KCNQ2: variants seen among roughly 807,000 people sequenced by gnomAD.
KCNQ2 encodes potassium voltage-gated channel subfamily Q member 2.
A neutral mutation model predicts 84.8 loss-of-function variants in KCNQ2; 14 were observed. The ratio of observed to expected loss-of-function variants is 0.17; its 90% CI spans 0.11 to 0.26. The LOEUF (loss-of-function observed/expected upper bound fraction) is 0.26. Among genes scored for constraint, KCNQ2 ranks in the 10% least tolerant of loss-of-function variants. KCNQ2 has a pLI of 1.00. For synonymous variants in KCNQ2, 599 were observed against 554.1 expected (o/e 1.08, Z -1.14); for missense variants, 788 against 1,254.0 (o/e 0.63, Z 5.61).
In KCNQ2 at chr20:63,407,124, C is replaced by T. The variant is rs765186960; in HGVS notation, c.2139G>A (p.Pro713=). 2.6e-5 allele frequency: 40 copies of T among 1,553,046 alleles called. No homozygotes were observed. Among genetic ancestry groups the T allele is most frequent in the South Asian group, 2.1e-4 (18 of 85,610 alleles). ...APPAAPPVQC[P]PSTSWQPQSH... ...TCTGTGGCTGCCAGGAGGTGGAGGG[C>T]GGACACTGGACAGGGGGCGCGGCCG... Residue 713 remains proline, a synonymous_variant, in exon 17 of 17, where the codon CCG becomes CCA. Coordinates refer to ENST00000359125, the MANE Select transcript of KCNQ2 (RefSeq NM_172107.4). The surrounding 1 kb of genome is among the most constrained non-coding windows in gnomAD (Gnocchi z 7.2).
At chr20:63,420,008 C>T (rs370738826) in intron 11 of KCNQ2, among the ~76,000 whole-genome samples, 8 of 152,226 alleles carry the variant, frequency 5.3e-5, no homozygotes, top group Non-Finnish European at 1.2e-4. Context: ...TGGCCTCAGA[C>T]GCCGCAGAAG....
intron 4 of KCNQ2, among the ~76,000 whole-genome samples, chr20:63,443,317 C>A (rs1600777246): frequency 9.5e-6 from 1 of 105,026 alleles, no homozygotes; most frequent in Non-Finnish European, 2.1e-5. Flanking sequence ...CCATCATCAC[C>A]ACCACCACCA....
At chr20:63,417,301 C>T (rs6089908) in intron 12 of KCNQ2, among the ~76,000 whole-genome samples, 68,266 of 152,108 alleles carry the variant, frequency 0.45, 16,394 homozygotes, top group Non-Finnish European at 0.55. Flanking sequence ...CTTTCTCCAC[C>T]GCACGAGCCA....
In KCNQ2 at chr20:63,417,956, C is replaced by T. The variant is rs76666722; in HGVS notation, c.1301+1663G>A. Among the ~76,000 whole-genome samples the T allele has an allele frequency of 7.3e-3, 1,119 of 152,268 alleles. 16 individuals carry two copies. Among genetic ancestry groups the T allele is most frequent in the African/African-American group, 0.026 (1,074 of 41,566 alleles). On this transcript the variant is annotated intron_variant, in intron 12 of 16. Transcript: ENST00000359125. ...TGGCCTCGGCGCGGCCCTGCTGTCCCGGGTCTCGGGCTCCGCTCCCACCTC... is the reference window on the plus strand; with the variant it reads ...TGGCCTCGGCGCGGCCCTGCTGTCCTGGGTCTCGGGCTCCGCTCCCACCTC...
intron 1 of KCNQ2, among the ~76,000 whole-genome samples, chr20:63,463,049 T>C (rs2081994373): frequency 7.5e-6 from 1 of 133,882 alleles, no homozygotes; most frequent in Non-Finnish European, 1.6e-5. Flanking sequence ...TCCGTGGGTG[T>C]CTTTTCTGTG....
In KCNQ2 at chr20:63,406,363, C is replaced by T. The variant is rs547617346; in HGVS notation, c.*281G>A. On this transcript the variant is annotated 3_prime_UTR_variant, in exon 17 of 17. Coordinates refer to ENST00000359125, the MANE Select transcript of KCNQ2 (RefSeq NM_172107.4). The stretch of plus-strand genomic sequence containing the variant: ...CTCCTCACACCGGGCTGATGTCGGC[C>T]GCGGCCCTGAGCAGAGTGGACAGGG... 13 of 441,458 alleles carry T rather than the reference C, an allele frequency of 2.9e-5. No homozygotes were observed. Among genetic ancestry groups the T allele is most frequent in the South Asian group, 2.0e-4 (6 of 30,406 alleles). 27.3% of individuals were successfully genotyped at this position (441,458 alleles called of 1,614,324 possible).
At position 63,401,266 on chromosome 20, in the gene KCNQ2, G is replaced by T. The variant is rs6089905; in HGVS notation, c.*5378C>A. Reference sequence around the variant, plus strand: ...TCCACCGTTGCCCACAACCTCCCCCGGCGATGTCACCTCCTCCCAGGGTCG... The same window carrying T: ...TCCACCGTTGCCCACAACCTCCCCCTGCGATGTCACCTCCTCCCAGGGTCG... On this transcript the variant is annotated 3_prime_UTR_variant, in exon 17 of 17. Coordinates refer to ENST00000359125, the MANE Select transcript of KCNQ2 (RefSeq NM_172107.4). 0.45 allele frequency: 80,194 copies of T among 176,488 alleles called. 19,404 individuals carry two copies. The highest frequency in any genetic ancestry group is 0.9 in the East Asian group (6,020 of 6,712). The allele number at this position is 176,488 out of a possible 1,614,324, so 10.9% of individuals were successfully genotyped here.
Position 63,472,574 on chromosome 20 carries a change from G to T in KCNQ2, c.-111C>A, listed in dbSNP as rs2082244790. ...CCCGGCCGGGAGCCGCATGGCCGAG[G>T]CGGCGGTTCCGCACTCCTGCCGGGC... On this transcript the variant is annotated 5_prime_UTR_variant, in exon 1 of 17. Coordinates refer to ENST00000359125, the MANE Select transcript of KCNQ2 (RefSeq NM_172107.4). 2.0e-6 allele frequency: 2 copies of T among 991,170 alleles called. No homozygotes were observed. Among genetic ancestry groups the T allele is most frequent in the Admixed American group, 9.5e-5 (2 of 21,008 alleles). The allele number at this position is 991,170 out of a possible 1,614,324, so 61.4% of individuals were successfully genotyped here.
rs62208024 is a variant in KCNQ2 at position 63,442,671 on chromosome 20, C to T, written c.691-140G>A. 7.9e-4 allele frequency: 436 copies of T among 549,920 alleles called. 26 individuals are homozygous for T. The highest frequency in any genetic ancestry group is 1.4e-3 in the African/African-American group (46 of 32,322). The allele number at this position is 549,920 out of a possible 1,614,324, so 34.1% of individuals were successfully genotyped here. A position where few individuals can be genotyped will look rare whatever the true frequency, so the allele number is the denominator to read the frequency against. On this transcript the variant is annotated intron_variant, in intron 4 of 16. Transcript: ENST00000359125. ...ACCATCACCACCACCATCACCACCA[C>T]CACCACCACCACCATCACCATCACC...
chr20:63,406,650 C>A lies in KCNQ2; in HGVS notation c.2613G>T (p.Arg871Ser), dbSNP rs587780369. ...PFGDVGWAGPRK is the reference protein window; with the variant it reads ...PFGDVGWAGPSK ...CCACTGGCCCAGCGCCGCCTCACTTCCTGGGCCCGGCCCAGCCCACGTCAC... is the reference window on the plus strand; with the variant it reads ...CCACTGGCCCAGCGCCGCCTCACTTACTGGGCCCGGCCCAGCCCACGTCAC... The change falls in exon 17 of 17, where the codon AGG (arginine) becomes AGT (serine). Residue 871 changes from arginine (R) to serine (S), a missense_variant. By Grantham distance (110) the Arg-to-Ser change is moderately radical. Coordinates refer to ENST00000359125, the MANE Select transcript of KCNQ2 (RefSeq NM_172107.4). The A allele has an allele frequency of 5.4e-5, 86 of 1,591,312 alleles. No homozygotes were observed. The highest frequency in any genetic ancestry group is 6.7e-5 in the South Asian group (6 of 89,694).
chr20:63,444,752 G>A lies in KCNQ2; in HGVS notation c.597C>T (p.Ser199=). 6.2e-7 allele frequency: 1 copy of A among 1,606,490 alleles called. No individual in the cohort carries two copies. The highest frequency in any genetic ancestry group is 8.5e-7 in the Non-Finnish European group (1 of 1,177,644). The change falls in exon 4 of 17, where the codon AGC becomes AGT. Residue 199 remains serine, a synonymous_variant. Transcript: ENST00000359125. The stretch of plus-strand genomic sequence containing the variant: ...TCCGCAGAATCTGCAGGAAGCGCAG[G>A]CTCCGGAGCGCAGATGTGGCAAAGA... ...GNVFATSALR[S]LRFLQILRMI...
rs1295041609 is a variant in KCNQ2 at position 63,407,285 on chromosome 20, C to T, written c.1978G>A (p.Gly660Arg). The T allele has an allele frequency of 6.3e-7, 1 of 1,595,496 alleles. No individual in the cohort carries two copies. The highest frequency in any genetic ancestry group is 1.7e-5 in the Admixed American group (1 of 59,902). Residue 660 changes from glycine (G) to arginine (R), a missense_variant, in exon 17 of 17, where the codon GGG becomes AGG. Gly to Arg is a moderately radical substitution (Grantham distance 125, BLOSUM62 -2). Coordinates refer to ENST00000359125, the MANE Select transcript of KCNQ2 (RefSeq NM_172107.4). This position sits in a 1 kb window ranked among gnomAD's most constrained non-coding sequence, Gnocchi z 7.2. ...GGCGCCGGCTCCGGCTCTTTGGCCC[C>T]AAAGTAGGCCTCGGTCTCTGTCGGG... The part of the protein sequence containing the change: ...IPPTETEAYF[G>R]AKEPEPAPPY...
chr20:63,446,750 G>A lies in KCNQ2; in HGVS notation c.384C>T (p.Ile128=), dbSNP rs1568944832. The part of the protein sequence containing the change: ...YEKSSEGALY[I]LEIVTIVVFG... The stretch of plus-strand genomic sequence containing the variant: ...CCCGCCCTCCCTCGGGGCTCACCAG[G>A]ATGTAGAGGGCCCCCTCCGAGCTCT... Residue 128 remains isoleucine, a synonymous_variant, in exon 2 of 17, where the codon ATC becomes ATT. Coordinates refer to ENST00000359125, the MANE Select transcript of KCNQ2 (RefSeq NM_172107.4). The surrounding 1 kb of genome is among the most constrained non-coding windows in gnomAD (Gnocchi z 5.5). The A allele has an allele frequency of 1.2e-6, 2 of 1,612,580 alleles. No individual in the cohort carries two copies. Among genetic ancestry groups the A allele is most frequent in the Non-Finnish European group, 1.7e-6 (2 of 1,179,148 alleles).
intron 10 of KCNQ2, among the ~76,000 whole-genome samples, chr20:63,426,192 A>G (rs1253722587): frequency 6.6e-6 from 1 of 152,198 alleles, no homozygotes; most frequent in Non-Finnish European, 1.5e-5. Flanking sequence ...TTCTGCTGGT[A>G]TGAAACTCCC....
intron 1 of KCNQ2, among the ~76,000 whole-genome samples, chr20:63,461,303 C>T (rs945924367): frequency 7.2e-5 from 11 of 152,258 alleles, no homozygotes; most frequent in African/African-American, 1.9e-4. Context: ...AAATGGCACC[C>T]GTGGGAAGGG....
intron 15 of KCNQ2, 74 bp downstream of exon 15, chr20:63,413,376 G>A: frequency 1.9e-6 from 3 of 1,589,690 alleles, no homozygotes; most frequent in Non-Finnish European, 2.6e-6. Context: ...CTCCCACCAT[G>A]GGCCACAGTG....
chr20:63,406,702 C>T lies in KCNQ2; in HGVS notation c.2561G>A (p.Arg854His), dbSNP rs1238249590. ...DLCTPCGPPP[R>H]SATGEGPFGD... ...AAAGGGACCCTCGCCGGTGGCCGAG[C>T]GTGGCGGGGGCCCGCACGGGGTACA... The change falls in exon 17 of 17, where the codon CGC becomes CAC. Residue 854 changes from arginine to histidine, a missense_variant. Coordinates refer to ENST00000359125, the MANE Select transcript of KCNQ2 (RefSeq NM_172107.4). 7 of 1,607,136 alleles carry T rather than the reference C, an allele frequency of 4.4e-6. No homozygotes were observed. In the South Asian group the frequency reaches 4.4e-5, roughly 10 times the overall value.
In KCNQ2 at chr20:63,446,207, T is replaced by C. The variant is rs2081421426; in HGVS notation, c.387+540A>G. 3.9e-6 allele frequency: 1 copy of C among 257,654 alleles called. No individual in the cohort carries two copies. Among genetic ancestry groups the C allele is most frequent in the Non-Finnish European group, 7.6e-6 (1 of 131,522 alleles). 16.0% of individuals were successfully genotyped at this position (257,654 alleles called of 1,614,324 possible). A position where few individuals can be genotyped will look rare whatever the true frequency, so the allele number is the denominator to read the frequency against. ...GGGGCCACAGTCTCCACCCAGACCT[T>C]GGGAAGCCCCAGAACAGAGGAGCAG... On this transcript the variant is annotated intron_variant, in intron 2 of 16. Transcript: ENST00000359125. The surrounding 1 kb of genome is among the most constrained non-coding windows in gnomAD (Gnocchi z 5.5).
At chr20:63,455,166 G>T (rs945015180) in intron 1 of KCNQ2, among the ~76,000 whole-genome samples, 2 of 152,174 alleles carry the variant, frequency 1.3e-5, no homozygotes, top group Non-Finnish European at 1.5e-5. Flanking sequence ...CTGGGAGGAC[G>T]ATGGGAGGAC....
Sources: gnomAD v4.1 joint callset for allele counts (sites outside exome capture counted in the v4.1 genomes callset) on GRCh38, gnomAD v4.1.1 for gene constraint, Gnocchi (gnomAD v3.1) non-coding constraint, MANE v1.5 for transcripts, NCBI Gene and HGNC (gene_info 2026-07-23, HGNC 2026-07-21) for gene names.